CCBE1: variants seen among roughly 807,000 people sequenced by gnomAD.
CCBE1 encodes the protein collagen and calcium binding EGF domains 1.
In CCBE1, 37 loss-of-function variants were observed where a neutral mutation model predicts 50.0. The observed-to-expected ratio is 0.74, with a 90% CI of 0.57 to 0.97. The LOEUF (loss-of-function observed/expected upper bound fraction) is 0.97, where lower values mean the gene tolerates loss of function less well. Ranked by LOEUF, CCBE1 falls within the 50% of genes least tolerant of loss-of-function variation. The probability of loss-of-function intolerance (pLI) is 0.00; values close to 1 mark genes in which losing one functional copy is unlikely to be tolerated. For synonymous variants in CCBE1, 234 were observed against 203.7 expected (o/e 1.15, Z -1.27); for missense variants, 538 against 523.8 (o/e 1.03, Z -0.26).
intron 2 of CCBE1, among the ~76,000 whole-genome samples, chr18:59,598,168 C>G (rs959456891): frequency 6.6e-6 from 1 of 152,174 alleles, no homozygotes; most frequent in Non-Finnish European, 1.5e-5. Flanking sequence ...CTAGCTTTAG[C>G]ACAAAGGGAT....
At chr18:59,500,827 T>C (rs1430526278) in intron 2 of CCBE1, among the ~76,000 whole-genome samples, 1 of 152,124 alleles carries the variant, frequency 6.6e-6, no homozygotes, top group Admixed American at 6.5e-5. Context: ...CCTACTGCTG[T>C]TGGATCCCTC....
At chr18:59,441,481 C>T (rs1910420003) in intron 7 of CCBE1, among the ~76,000 whole-genome samples, 1 of 76,812 alleles carries the variant, frequency 1.3e-5, no homozygotes, top group South Asian at 6.2e-4. Context: ...GAGACTCCAT[C>T]TCAAAAAAAA....
chr18:59,452,926 T>C (rs373909643), intron 6 of CCBE1, among the ~76,000 whole-genome samples: 4 of 152,194 alleles, frequency 2.6e-5, no homozygotes, highest in African/African-American at 7.2e-5. Flanking sequence ...TCCAACTCAA[T>C]TGCATAAGAG....
In CCBE1 at chr18:59,579,294, G is replaced by T. The variant is rs564464996; in HGVS notation, c.213-99056C>A. Among the ~76,000 whole-genome samples, 32 of 152,096 alleles carry T rather than the reference G, an allele frequency of 2.1e-4. No individual in the cohort carries two copies. The South Asian group carries it at 6.2e-3, about 30-fold the overall frequency. On this transcript the variant is annotated intron_variant, in intron 2 of 10. Transcript: ENST00000439986. ...AAAATGAAAAAAGCAACAATTCACAGTTCCATATATGTGCAGACAGGACGT... is the reference window on the plus strand; with the variant it reads ...AAAATGAAAAAAGCAACAATTCACATTTCCATATATGTGCAGACAGGACGT...
At position 59,558,781 on chromosome 18, in the gene CCBE1, A is replaced by G. The variant is rs138127451; in HGVS notation, c.213-78543T>C. 2.6e-3 allele frequency among the ~76,000 whole-genome samples: 389 copies of G among 152,334 alleles called. 12 individuals carry two copies. In the South Asian group the frequency reaches 0.04, roughly 16 times the overall value. The stretch of plus-strand genomic sequence containing the variant: ...AGTTAAGCTGCTGACCCTGAAGGCA[A>G]GGAAGAGCTGACTGCACAGCTGTGT... On this transcript the variant is annotated intron_variant, in intron 2 of 10. Coordinates refer to ENST00000439986, the MANE Select transcript of CCBE1 (RefSeq NM_133459.4).
intron 2 of CCBE1, among the ~76,000 whole-genome samples, chr18:59,523,834 G>A (rs1914706198): frequency 6.6e-6 from 1 of 152,120 alleles, no homozygotes; most frequent in Non-Finnish European, 1.5e-5. Context: ...ACTGCACAAT[G>A]TCACATGTTT....
rs1427669640 is a variant in CCBE1, at chr18:59,695,711, A to T, written c.212+918T>A. Among the ~76,000 whole-genome samples the T allele has an allele frequency of 2.0e-5, 3 of 152,134 alleles. No individual in the cohort carries two copies. In the East Asian group the frequency reaches 5.8e-4, roughly 29 times the overall value. On this transcript the variant is annotated intron_variant, in intron 2 of 10. Transcript: ENST00000439986. ...TTTTCTTTCAAGTTCGTTTCTAGGG[A>T]CTGCTGCGTTACCTTGTACTACTCA...
At chr18:59,669,387 G>A (rs1328966310) in intron 2 of CCBE1, among the ~76,000 whole-genome samples, 1 of 152,200 alleles carries the variant, frequency 6.6e-6, no homozygotes, top group Non-Finnish European at 1.5e-5. Context: ...CCTTTCCCTG[G>A]AAAGAGGGTT....
intron 2 of CCBE1, among the ~76,000 whole-genome samples, chr18:59,638,425 A>G (rs2053943158): frequency 6.6e-6 from 1 of 152,124 alleles, no homozygotes; most frequent in Non-Finnish European, 1.5e-5. Flanking sequence ...GTGGTCCTGG[A>G]CCAGCAGCAT....
intron 5 of CCBE1, among the ~76,000 whole-genome samples, chr18:59,457,436 A>G (rs1462833865): frequency 6.6e-6 from 1 of 151,974 alleles, no homozygotes; most frequent in East Asian, 1.9e-4. Context: ...GCCTCCACAA[A>G]CCCCACTTGC....
intron 2 of CCBE1, among the ~76,000 whole-genome samples, chr18:59,561,091 A>G (rs1378699105): frequency 6.6e-6 from 1 of 152,232 alleles, no homozygotes; most frequent in Non-Finnish European, 1.5e-5. Context: ...GTTTAAAACC[A>G]AGTGGAAACA....
chr18:59,675,037 C>T (rs1372866756), intron 2 of CCBE1, among the ~76,000 whole-genome samples: 2 of 152,088 alleles, frequency 1.3e-5, no homozygotes, highest in Admixed American at 6.6e-5. Context: ...TTATCTTTAT[C>T]GACCATGGCT....
intron 2 of CCBE1, among the ~76,000 whole-genome samples, chr18:59,549,602 G>A (rs947151196): frequency 1.3e-5 from 2 of 152,160 alleles, no homozygotes; most frequent in African/African-American, 2.4e-5. Context: ...ACTGACTTCT[G>A]TTAATACCTG....
intron 2 of CCBE1, among the ~76,000 whole-genome samples, chr18:59,510,426 CT>C (rs35277466): frequency 0.023 from 3,425 of 147,216 alleles, 139 homozygotes; most frequent in East Asian, 0.2. Context: ...GCAAATTGAA[CT>C]TTTTTTTTTT....
At chr18:59,675,564 C>T (rs2054490088) in intron 2 of CCBE1, among the ~76,000 whole-genome samples, 1 of 152,190 alleles carries the variant, frequency 6.6e-6, no homozygotes. Flanking sequence ...TAAGCTTCCT[C>T]CATCTCTCAA....
At chr18:59,529,532 G>A (rs1914966721) in intron 2 of CCBE1, among the ~76,000 whole-genome samples, 1 of 152,226 alleles carries the variant, frequency 6.6e-6, no homozygotes, top group Admixed American at 6.5e-5. Context: ...GCACAGATCT[G>A]TGGAAAAAGC....
intron 2 of CCBE1, among the ~76,000 whole-genome samples, chr18:59,537,628 G>T (rs545243125): frequency 1.3e-4 from 20 of 152,216 alleles, no homozygotes; most frequent in African/African-American, 4.3e-4. Flanking sequence ...CCCAGTCTTG[G>T]GTATGTCTTC....
At chr18:59,506,293 C>T (rs770095684) in intron 2 of CCBE1, among the ~76,000 whole-genome samples, 4 of 152,180 alleles carry the variant, frequency 2.6e-5, no homozygotes, top group Non-Finnish European at 5.9e-5. Context: ...AGGCATGGAC[C>T]AGTTTCTCCC....
chr18:59,556,541 G>T (rs2052659546), intron 2 of CCBE1, among the ~76,000 whole-genome samples: 1 of 152,110 alleles, frequency 6.6e-6, no homozygotes, highest in Non-Finnish European at 1.5e-5. Context: ...CAATATTAAA[G>T]GCAGCTGGAA....
Sources: allele counts gnomAD v4.1 joint callset (sites outside exome capture counted in the v4.1 genomes callset), GRCh38; gene constraint gnomAD v4.1.1; transcripts MANE v1.5; gene names NCBI Gene and HGNC (gene_info 2026-07-23, HGNC 2026-07-21).